KRT28: variants seen among roughly 807,000 people sequenced by gnomAD.
KRT28 encodes the protein keratin 28.
KRT28 carries 45 observed loss-of-function variants against 48.1 expected under a neutral mutation model. The observed-to-expected ratio is 0.94, with a 90% CI of 0.74 to 1.20. The LOEUF is 1.20. Among genes scored for constraint, KRT28 ranks in the 50% most tolerant of loss-of-function variants. KRT28 has a pLI of 0.00. For missense variants in KRT28, 571 were observed against 574.1 expected (o/e 0.99, Z 0.06); for synonymous variants, 228 against 227.4 (o/e 1.00, Z -0.03).
chr17:40,792,669 G>A (rs1208305403), intron 7 of KRT28, 100 bp from the exon 8 acceptor site: 3 of 826,058 alleles, frequency 3.6e-6, no homozygotes, highest in Admixed American at 3.0e-5. Context: ...TTTTGATTGA[G>A]GGAGTAAGTA....
chr17:40,793,321 T>C (rs986169777), intron 6 of KRT28, 111 bp from the exon 7 acceptor site: 4 of 607,824 alleles, frequency 6.6e-6, no homozygotes, highest in Non-Finnish European at 1.1e-5. Context: ...CTTAGTTTTC[T>C]ATAGAGGAAA....
Position 40,798,280 on chromosome 17 carries a change from C to T in KRT28, c.645G>A (p.Glu215=). 6.2e-7 allele frequency: 1 copy of T among 1,612,970 alleles called. No homozygotes were observed. The highest frequency in any genetic ancestry group is 1.1e-5 in the South Asian group (1 of 91,048). Residue 215 remains glutamate, a synonymous_variant, in exon 3 of 8, where the codon GAG becomes GAA. Coordinates refer to ENST00000306658, the MANE Select transcript of KRT28 (RefSeq NM_181535.3). ...LCRTDQELQY[E]SLSEEMTYLK... Reference sequence around the variant, plus strand: ...GATATGTCATCTCCTCACTCAGAGACTCATATTGCAGCTCCTGGTCGGTCC... The same window carrying T: ...GATATGTCATCTCCTCACTCAGAGATTCATATTGCAGCTCCTGGTCGGTCC...
Position 40,799,794 on chromosome 17 carries a change from T to C in KRT28, c.100A>G (p.Ser34Gly). 1 of 1,614,038 alleles carries C rather than the reference T, an allele frequency of 6.2e-7. No homozygotes were observed. The highest frequency in any genetic ancestry group is 8.5e-7 in the Non-Finnish European group (1 of 1,180,018). The change falls in exon 1 of 8, where the codon AGT becomes GGT. Residue 34 changes from serine (S) to glycine (G), a missense_variant. Physicochemically the swap from Ser to Gly is moderately conservative, Grantham distance 56. Coordinates refer to ENST00000306658, the MANE Select transcript of KRT28 (RefSeq NM_181535.3). ...LNGGAGFAGS[S>G]ACGGSVAGSE... ...CCAGCAACAGAGCCACCACATGCAC[T>C]GCTGCCTGCAAAGCCTGCACCTCCA...
Position 40,792,317 on chromosome 17 carries a change from C to T in KRT28, c.*110G>A. 2.4e-6 allele frequency: 2 copies of T among 827,990 alleles called. No homozygotes were observed. The highest frequency in any genetic ancestry group is 3.7e-4 in the Middle Eastern group (1 of 2,714). 51.3% of individuals were successfully genotyped at this position (827,990 alleles called of 1,614,324 possible). A position where few individuals can be genotyped will look rare whatever the true frequency, so the allele number is the denominator to read the frequency against. On this transcript the variant is annotated 3_prime_UTR_variant, in exon 8 of 8. Coordinates refer to ENST00000306658, the MANE Select transcript of KRT28 (RefSeq NM_181535.3). ...AAAACTAAGAAAACAGGTATTTTTG[C>T]TAAGTAATGTATCTTTAAAAGTAAA...
In KRT28 at chr17:40,792,584, T is replaced by C. The variant is rs776486909; in HGVS notation, c.1253-15A>G. On this transcript the variant is annotated splice_polypyrimidine_tract_variant and intron_variant, in intron 7 of 7. Coordinates refer to ENST00000306658, the MANE Select transcript of KRT28 (RefSeq NM_181535.3). The stretch of plus-strand genomic sequence containing the variant: ...TTTGGATAAATCTAGAAATAAAACA[T>C]AGGCATACATATATTCAACCAAAAA... 1.3e-6 allele frequency: 2 copies of C among 1,588,318 alleles called. No individual in the cohort carries two copies. The highest frequency in any genetic ancestry group is 4.5e-5 in the East Asian group (2 of 44,454).
At chr17:40,793,779 T>C (rs1904545622) in intron 6 of KRT28, 50 bp downstream of exon 6, 2 of 1,581,020 alleles carry the variant, frequency 1.3e-6, no homozygotes, top group Non-Finnish European at 1.7e-6. Context: ...GCAGCCCACA[T>C]TTGTAGCTTA....
rs1904695686 is a variant in KRT28, at chr17:40,799,432, G to A, written c.450+12C>T. On this transcript the variant is annotated intron_variant, in intron 1 of 7. Transcript: ENST00000306658. Reference sequence around the variant, plus strand: ...AAATACTTGGGTTAGTTCCAAATCTGTGATTTCTCACCTTATTCTTAAGAT... The same window carrying A: ...AAATACTTGGGTTAGTTCCAAATCTATGATTTCTCACCTTATTCTTAAGAT... The A allele has an allele frequency of 6.3e-7, 1 of 1,581,972 alleles. No individual in the cohort carries two copies. The highest frequency in any genetic ancestry group is 1.4e-5 in the African/African-American group (1 of 73,962).
chr17:40,793,114 A>C, intron 7 of KRT28, 41 bp downstream of exon 7: 2 of 1,374,302 alleles, frequency 1.5e-6, no homozygotes, highest in African/African-American at 1.5e-5. Context: ...AAATTTAAAA[A>C]AAGAAAAGAA....
At position 40,794,022 on chromosome 17, in the gene KRT28, T is replaced by A; in HGVS notation, c.1003A>T (p.Thr335Ser). Reference protein sequence around the residue: ...ATKHSLECSLTETESNYCTQL... With the variant: ...ATKHSLECSLSETESNYCTQL... ...GTACAGTAGTTGCTCTCGGTCTCTG[T>A]CAAGGAGCACTCCAGGGAGTGTTTC... The change falls in exon 6 of 8, where the codon ACA becomes TCA. Residue 335 changes from threonine to serine, a missense_variant. Physicochemically the swap from Thr to Ser is moderately conservative, Grantham distance 58 (BLOSUM62 1). Coordinates refer to ENST00000306658, the MANE Select transcript of KRT28 (RefSeq NM_181535.3). 6.2e-7 allele frequency: 1 copy of A among 1,613,944 alleles called. No homozygotes were observed.
chr17:40,793,334 C>T (rs1270967882), intron 6 of KRT28, 124 bp from the exon 7 acceptor site: 24 of 551,030 alleles, frequency 4.4e-5, no homozygotes, highest in Middle Eastern at 9.7e-4. Context: ...AGAGGAAACT[C>T]TTAAGATTTT....
rs1199919717 is a variant in KRT28 at position 40,798,351 on chromosome 17, C to T, written c.574G>A (p.Asp192Asn). 3 of 1,612,056 alleles carry T rather than the reference C, an allele frequency of 1.9e-6. No homozygotes were observed. Among genetic ancestry groups the T allele is most frequent in the African/African-American group, 2.7e-5 (2 of 74,910 alleles). ...ELTLHQNVEADINGLRRVLDE... is the reference protein window; with the variant it reads ...ELTLHQNVEANINGLRRVLDE... Reference sequence around the variant, plus strand: ...AGGACTCGCCGTAATCCGTTGATGTCGGCCTCTACGTTTTGGTGAAGGGTG... The same window carrying T: ...AGGACTCGCCGTAATCCGTTGATGTTGGCCTCTACGTTTTGGTGAAGGGTG... Residue 192 changes from aspartate (D) to asparagine (N), a missense_variant, in exon 3 of 8, where the codon GAC (aspartate) becomes AAC (asparagine). By Grantham distance (23) the Asp-to-Asn change is conservative. Coordinates refer to ENST00000306658, the MANE Select transcript of KRT28 (RefSeq NM_181535.3).
At position 40,799,743 on chromosome 17, in the gene KRT28, C is replaced by G. The variant is rs1283908158; in HGVS notation, c.151G>C (p.Gly51Arg). ...AGSEFSCALGGGLGSVPGGSH... is the reference protein window; with the variant it reads ...AGSEFSCALGRGLGSVPGGSH... ...CCACCAGGAACACTGCCCAAGCCCC[C>G]TCCCAAGGCACAGGAAAATTCACTT... Residue 51 changes from glycine to arginine, a missense_variant, in exon 1 of 8, where the codon GGG becomes CGG. By Grantham distance (125) the Gly-to-Arg change is moderately radical. Coordinates refer to ENST00000306658, the MANE Select transcript of KRT28 (RefSeq NM_181535.3). 1.2e-6 allele frequency: 2 copies of G among 1,614,108 alleles called. No homozygotes were observed. Among genetic ancestry groups the G allele is most frequent in the East Asian group, 2.2e-5 (1 of 44,878 alleles).
intron 5 of KRT28, among the ~76,000 whole-genome samples, chr17:40,796,461 C>G (rs1904615490): frequency 1.3e-5 from 2 of 152,198 alleles, no homozygotes; most frequent in Admixed American, 1.3e-4. Context: ...TGTACCCTCT[C>G]TTCCTCTGCC....
chr17:40,799,840 A>C lies in KRT28; in HGVS notation c.54T>G (p.Ala18=), dbSNP rs779726576. Residue 18 remains alanine, a synonymous_variant, in exon 1 of 8, where the codon GCT becomes GCG. Coordinates refer to ENST00000306658, the MANE Select transcript of KRT28 (RefSeq NM_181535.3). Reference sequence around the variant, plus strand: ...CTCCATTGAGGGGTCTGACAGATCCAGCTCCAGACCTTAAGCAAACATGCC... The same window carrying C: ...CTCCATTGAGGGGTCTGACAGATCCCGCTCCAGACCTTAAGCAAACATGCC... ...GSRHVCLRSG[A]GSVRPLNGGA... 3 of 1,614,044 alleles carry C rather than the reference A, an allele frequency of 1.9e-6. No individual in the cohort carries two copies. Among genetic ancestry groups the C allele is most frequent in the Non-Finnish European group, 8.5e-7 (1 of 1,180,024 alleles).
chr17:40,797,524 G>A (rs952376042), intron 3 of KRT28, among the ~76,000 whole-genome samples: 7 of 152,252 alleles, frequency 4.6e-5, no homozygotes, highest in Non-Finnish European at 8.8e-5. Flanking sequence ...TGAGGCGGGC[G>A]GATCACTTGA....
chr17:40,798,325 C>T lies in KRT28; in HGVS notation c.600G>A (p.Leu200=). 6.2e-7 allele frequency: 1 copy of T among 1,613,392 alleles called. No individual in the cohort carries two copies. Among genetic ancestry groups the T allele is most frequent in the Non-Finnish European group, 8.5e-7 (1 of 1,179,578 alleles). Residue 200 remains leucine, a synonymous_variant, in exon 3 of 8, where the codon CTG becomes CTA. Transcript: ENST00000306658. ...CGGTCCTGCAGAGCGTCAGCTCGTCCAGGACTCGCCGTAATCCGTTGATGT... is the reference window on the plus strand; with the variant it reads ...CGGTCCTGCAGAGCGTCAGCTCGTCTAGGACTCGCCGTAATCCGTTGATGT... The part of the protein sequence containing the change: ...EADINGLRRV[L]DELTLCRTDQ...
In KRT28 at chr17:40,799,599, A is replaced by T; in HGVS notation, c.295T>A (p.Ser99Thr). ...AGAGCTCGCACATTATCCAGGTAGG[A>T]TGCCAAGCGGTCATTAAGATTTTGC... ...TMQNLNDRLA[S>T]YLDNVRALEE... Residue 99 changes from serine to threonine, a missense_variant, in exon 1 of 8, where the codon TCC becomes ACC. Transcript: ENST00000306658. 1 of 1,614,140 alleles carries T rather than the reference A, an allele frequency of 6.2e-7. No homozygotes were observed. The highest frequency in any genetic ancestry group is 8.5e-7 in the Non-Finnish European group (1 of 1,180,022).
At chr17:40,792,973 G>A (rs150424958) in intron 7 of KRT28, among the ~76,000 whole-genome samples, 182 bp downstream of exon 7, 2 of 152,186 alleles carry the variant, frequency 1.3e-5, no homozygotes, top group African/African-American at 4.8e-5. Flanking sequence ...GGTGGTGGGT[G>A]CCTGTAATCC....
At chr17:40,798,740 G>A (rs1431918872) in intron 2 of KRT28, among the ~76,000 whole-genome samples, 177 bp downstream of exon 2, 1 of 152,110 alleles carries the variant, frequency 6.6e-6, no homozygotes, top group East Asian at 1.9e-4. Context: ...TTGATATTTT[G>A]TCCCAGGAAT....
Sources: gnomAD v4.1 joint callset for allele counts (sites outside exome capture counted in the v4.1 genomes callset) on GRCh38, gnomAD v4.1.1 for gene constraint, MANE v1.5 for transcripts, NCBI Gene and HGNC (gene_info 2026-07-23, HGNC 2026-07-21) for gene names.